The following DCAF5 variants were observed in gnomAD, a reference collection of about 807,000 sequenced individuals.
DCAF5 encodes the protein DDB1- and CUL4-associated factor 5.
DCAF5 carries 9 observed loss-of-function variants against 80.7 expected under a neutral mutation model. The ratio of observed to expected loss-of-function variants is 0.11; its 90% CI spans 0.07 to 0.19. DCAF5 has a LOEUF of 0.19. DCAF5 is among the 10% of genes least tolerant of loss of function. DCAF5 has a pLI of 1.00. For missense variants in DCAF5, 842 were observed against 1,205.7 expected, an observed-to-expected ratio of 0.70 and a Z score of 4.47; for synonymous variants, 433 against 461.9, an observed-to-expected ratio of 0.94 and a Z score of 0.80.
At chr14:69,075,319 T>C in intron 7 of DCAF5, 26 bp downstream of exon 7, 2 of 1,596,758 alleles carry the variant, frequency 1.3e-6, no homozygotes. Flanking sequence ...GCAATAGCAG[T>C]ACATTCATGT....
intron 1 of DCAF5, among the ~76,000 whole-genome samples, chr14:69,133,555 G>A (rs989093389): frequency 4.6e-5 from 7 of 151,984 alleles, no homozygotes; most frequent in Admixed American, 1.3e-4. Context: ...GGGAAGAGGC[G>A]GGGGTACAGG....
intron 1 of DCAF5, among the ~76,000 whole-genome samples, chr14:69,123,661 C>T (rs1269156691): frequency 6.6e-6 from 1 of 152,100 alleles, no homozygotes; most frequent in Non-Finnish European, 1.5e-5. Flanking sequence ...AATACTGTAC[C>T]CAATAAACAA....
rs181187352 is a variant in DCAF5, at chr14:69,092,012, T to C, written c.666-125A>G. Reference sequence around the variant, plus strand: ...GAATTTCAGCAAAAGGATATTTCTGTGCAGTGGCTAGAATAATGAGGGTAG... The same window carrying C: ...GAATTTCAGCAAAAGGATATTTCTGCGCAGTGGCTAGAATAATGAGGGTAG... On this transcript the variant is annotated intron_variant, in intron 5 of 8. Coordinates refer to ENST00000341516, the MANE Select transcript of DCAF5 (RefSeq NM_003861.3). The C allele has an allele frequency of 3.5e-4, 269 of 760,008 alleles. 2 individuals carry two copies. The African/African-American group carries it at 4.1e-3, about 12-fold the overall frequency. 47.1% of individuals were successfully genotyped at this position (760,008 alleles called of 1,614,324 possible). A position where few individuals can be genotyped will look rare whatever the true frequency, so the allele number is the denominator to read the frequency against.
intron 1 of DCAF5, among the ~76,000 whole-genome samples, chr14:69,150,614 T>C (rs1448170821): frequency 2.0e-5 from 3 of 151,902 alleles, no homozygotes; most frequent in African/African-American, 7.3e-5. Flanking sequence ...GAGCTAGGCA[T>C]GGTGGCTTAT....
intron 6 of DCAF5, among the ~76,000 whole-genome samples, chr14:69,082,718 C>G (rs2039161111): frequency 6.6e-6 from 1 of 152,144 alleles, no homozygotes; most frequent in Non-Finnish European, 1.5e-5. Flanking sequence ...CACTTCAGTC[C>G]ATATATGAGT....
intron 5 of DCAF5, among the ~76,000 whole-genome samples, chr14:69,114,235 T>G (rs934098650): frequency 1.3e-5 from 2 of 152,196 alleles, no homozygotes; most frequent in Non-Finnish European, 2.9e-5. Context: ...TCCGTACAGA[T>G]ATTTTTGCAA....
chr14:69,147,324 T>C (rs559239673), intron 1 of DCAF5, among the ~76,000 whole-genome samples: 81 of 152,332 alleles, frequency 5.3e-4, no homozygotes, highest in African/African-American at 1.9e-3. Context: ...ATCAATCTCC[T>C]GAAAGCCTTT....
At chr14:69,083,911 T>G (rs1239966906) in intron 6 of DCAF5, 1 of 778,416 alleles carries the variant, frequency 1.3e-6, no homozygotes, top group Non-Finnish European at 2.4e-6. Flanking sequence ...TGAGGATACT[T>G]CATTTGCTTC....
At position 69,053,796 on chromosome 14, in the gene DCAF5, A is replaced by G. The variant is rs933469419; in HGVS notation, c.*61T>C. 19 of 1,448,400 alleles carry G rather than the reference A, an allele frequency of 1.3e-5. No individual in the cohort carries two copies. The highest frequency in any genetic ancestry group is 7.3e-5 in the East Asian group (3 of 41,196). The allele number at this position is 1,448,400 out of a possible 1,614,324, so 89.7% of individuals were successfully genotyped here. ...GTTTTTCCTTTCCTCTGTATTCACT[A>G]AACAATTTTTTTTTTTTTGTAAGGC... On this transcript the variant is annotated 3_prime_UTR_variant, in exon 9 of 9. Transcript: ENST00000341516.
chr14:69,054,818 T>C lies in DCAF5; in HGVS notation c.1868A>G (p.Asp623Gly), dbSNP rs2037891747. Residue 623 changes from aspartate (D) to glycine (G), a missense_variant, in exon 9 of 9, where the codon GAT (aspartate) becomes GGT (glycine). Around this residue, in one of 5 missense-constraint regions of DCAF5, gnomAD observed 607 missense variants for 656.6 expected, o/e 0.92. Transcript: ENST00000341516. The stretch of plus-strand genomic sequence containing the variant: ...CGAGGTTGGGGAGGAGGAGAGGTCA[T>C]CCACTTTGATCTGGGGGTAATCATA... ...DNYDYPQIKV[D>G]DLSSSPTSSP... 6.2e-7 allele frequency: 1 copy of C among 1,614,216 alleles called. No homozygotes were observed. Among genetic ancestry groups the C allele is most frequent in the African/African-American group, 1.3e-5 (1 of 75,056 alleles).
At chr14:69,103,941 A>G (rs2040047542) in intron 5 of DCAF5, among the ~76,000 whole-genome samples, 1 of 152,258 alleles carries the variant, frequency 6.6e-6, no homozygotes, top group South Asian at 2.1e-4. Flanking sequence ...CAACACAGTT[A>G]GTTCCTTTTC....
intron 5 of DCAF5, among the ~76,000 whole-genome samples, chr14:69,099,088 TAA>T (rs1306338390): frequency 2.6e-5 from 4 of 151,528 alleles, no homozygotes; most frequent in Non-Finnish European, 5.9e-5. Flanking sequence ...CAGTCTCTAC[TAA>T]AAATTTAAAA....
Position 69,055,128 on chromosome 14 carries a change from G to C in DCAF5, c.1558C>G (p.Gln520Glu). The part of the protein sequence containing the change: ...QQRLSALRRY[Q>E]DKRLLALSNE... Reference sequence around the variant, plus strand: ...GAAAGGGCCAGGAGGCGTTTGTCTTGGTAGCGCCGCAGAGCAGACAGACGC... The same window carrying C: ...GAAAGGGCCAGGAGGCGTTTGTCTTCGTAGCGCCGCAGAGCAGACAGACGC... Residue 520 changes from glutamine to glutamate, a missense_variant, in exon 9 of 9, where the codon CAA (glutamine) becomes GAA (glutamate). Transcript: ENST00000341516. This position sits in a 1 kb window ranked among gnomAD's most constrained non-coding sequence, Gnocchi z 5.6. The C allele has an allele frequency of 6.2e-7, 1 of 1,614,230 alleles. No individual in the cohort carries two copies.
chr14:69,053,288 ACCATGCTTTCCTCT>A lies in DCAF5; in HGVS notation c.*555_*568del, dbSNP rs1188024648. The A allele has an allele frequency of 1.3e-5, 2 of 152,324 alleles. No individual in the cohort carries two copies. Among genetic ancestry groups the A allele is most frequent in the African/African-American group, 4.8e-5 (2 of 41,460 alleles). 9.4% of individuals were successfully genotyped at this position (152,324 alleles called of 1,614,324 possible). A position where few individuals can be genotyped will look rare whatever the true frequency, so the allele number is the denominator to read the frequency against. On this transcript the variant is annotated 3_prime_UTR_variant, in exon 9 of 9. Coordinates refer to ENST00000341516, the MANE Select transcript of DCAF5 (RefSeq NM_003861.3). ...CATGGAAGATTTCTTTAAGAAAGGA[ACCATGCTTTCCTCT>A]CCAGCGCAGCCAATGGGCTGAAGGC... is the stretch of plus-strand genomic sequence containing the variant.
At chr14:69,146,231 T>C (rs2041533396) in intron 1 of DCAF5, among the ~76,000 whole-genome samples, 1 of 152,166 alleles carries the variant, frequency 6.6e-6, no homozygotes, top group South Asian at 2.1e-4. Context: ...CTTTGAACAA[T>C]ACTGAGCACA....
intron 8 of DCAF5, among the ~76,000 whole-genome samples, chr14:69,060,578 C>T (rs2038171566): frequency 6.6e-6 from 1 of 151,848 alleles, no homozygotes; most frequent in African/African-American, 2.4e-5. Context: ...GTCACTCAGT[C>T]TGGAGTGCAG....
At chr14:69,099,388 G>A (rs2039872014) in intron 5 of DCAF5, among the ~76,000 whole-genome samples, 1 of 151,144 alleles carries the variant, frequency 6.6e-6, no homozygotes. Context: ...GGGGCAAGCA[G>A]CAGAACAGCA....
chr14:69,151,493 A>C (rs1326584512), intron 1 of DCAF5, among the ~76,000 whole-genome samples: 1 of 152,200 alleles, frequency 6.6e-6, no homozygotes, highest in Non-Finnish European at 1.5e-5. Context: ...GGTGAAGCTA[A>C]GCGCCACGTC....
intron 5 of DCAF5, among the ~76,000 whole-genome samples, chr14:69,109,358 C>T (rs1047788933): frequency 6.6e-6 from 1 of 150,724 alleles, no homozygotes; most frequent in Non-Finnish European, 1.5e-5. Context: ...AAAAAAGATA[C>T]AACATAATAT....
Sources: allele counts gnomAD v4.1 joint callset (sites outside exome capture counted in the v4.1 genomes callset), GRCh38; gene constraint gnomAD v4.1.1; regional missense constraint gnomAD v4.1.1; non-coding constraint Gnocchi (gnomAD v3.1); transcripts MANE v1.5; gene names NCBI Gene and HGNC (gene_info 2026-07-23, HGNC 2026-07-21).